Variants in AQR observed in about 807,000 individuals in gnomAD.
AQR encodes the protein RNA helicase aquarius.
A neutral mutation model predicts 180.5 loss-of-function variants in AQR; 61 were observed. The ratio of observed to expected loss-of-function variants is 0.34; its 90% confidence interval spans 0.28 to 0.42. The LOEUF (loss-of-function observed/expected upper bound fraction) is 0.42, where lower values mean the gene tolerates loss of function less well. AQR is among the 10% of genes least tolerant of loss of function. The pLI is 1.00. For synonymous variants in AQR, 551 were observed against 588.8 expected, an observed-to-expected ratio of 0.94 and a Z score of 0.93; for missense variants, 1,281 against 1,798.3, an observed-to-expected ratio of 0.71 and a Z score of 5.20.
intron 5 of AQR, among the ~76,000 whole-genome samples, chr15:34,946,986 G>A (rs1275503968): frequency 3.9e-5 from 6 of 152,192 alleles, no homozygotes; most frequent in Admixed American, 3.9e-4. Context: ...CCCTCTGCCC[G>A]GCCACCACCC....
intron 3 of AQR, among the ~76,000 whole-genome samples, chr15:34,957,800 C>A (rs865916359): frequency 6.7e-6 from 1 of 148,198 alleles, no homozygotes; most frequent in Non-Finnish European, 1.5e-5. Flanking sequence ...ACATAAAAAA[C>A]AAAAAAATTA....
At chr15:34,963,322 A>G (rs1159286706) in intron 2 of AQR, among the ~76,000 whole-genome samples, 1 of 152,122 alleles carries the variant, frequency 6.6e-6, no homozygotes, top group Admixed American at 6.5e-5. Flanking sequence ...AATTAACCCT[A>G]TATTTGGGAA....
intron 32 of AQR, among the ~76,000 whole-genome samples, chr15:34,867,175 T>G (rs971226401): frequency 1.3e-5 from 2 of 152,082 alleles, no homozygotes; most frequent in African/African-American, 2.4e-5. Flanking sequence ...GAAAACATAT[T>G]ATACAATGAA....
Position 34,897,666 on chromosome 15 carries a change from C to T in AQR, c.2283G>A (p.Arg761=), listed in dbSNP as rs777020440. 2.5e-6 allele frequency: 4 copies of T among 1,613,986 alleles called. No individual in the cohort carries two copies. Among genetic ancestry groups the T allele is most frequent in the South Asian group, 2.2e-5 (2 of 91,042 alleles). Reference sequence around the variant, plus strand: ...CTTCATCTTCCACATCCGCATCTTTCCTTTTCTTCCCTTTTCCACTTCTTA... The same window carrying T: ...CTTCATCTTCCACATCCGCATCTTTTCTTTTCTTCCCTTTTCCACTTCTTA... ...FPVRSGKGKK[R]KDADVEDEDT... The change falls in exon 21 of 35, where the codon AGG becomes AGA. Residue 761 remains arginine, a synonymous_variant. Transcript: ENST00000156471.
chr15:34,958,530 C>T lies in AQR; in HGVS notation c.173+2244G>A, dbSNP rs533783453. 1.8e-4 allele frequency among the ~76,000 whole-genome samples: 28 copies of T among 152,134 alleles called. No individual in the cohort carries two copies. In the South Asian group the frequency reaches 4.0e-3, roughly 21 times the overall value. On this transcript the variant is annotated intron_variant, in intron 3 of 34. Coordinates refer to ENST00000156471, the MANE Select transcript of AQR (RefSeq NM_014691.3). ...AACCCTGTCACACATTGTGCAATGG[C>T]GCAATCTCGGCTACACAGAAGAGAG... is the stretch of plus-strand genomic sequence containing the variant.
Position 34,965,289 on chromosome 15 carries a change from T to C in AQR, c.76-999A>G, listed in dbSNP as rs374974583. On this transcript the variant is annotated intron_variant, in intron 1 of 34. Transcript: ENST00000156471. Reference sequence around the variant, plus strand: ...CTTTTATAGCTCAGTGATGAACACATACAACACACTTAAAGAGCCTCCCAG... The same window carrying C: ...CTTTTATAGCTCAGTGATGAACACACACAACACACTTAAAGAGCCTCCCAG... 2.6e-5 allele frequency among the ~76,000 whole-genome samples: 4 copies of C among 152,014 alleles called. No homozygotes were observed. The East Asian group carries it at 5.8e-4, about 22-fold the overall frequency.
In AQR at chr15:34,900,875, A is replaced by G; in HGVS notation, c.2002-12T>C. 6.3e-7 allele frequency: 1 copy of G among 1,577,184 alleles called. No homozygotes were observed. The highest frequency in any genetic ancestry group is 2.3e-5 in the East Asian group (1 of 44,300). ...GTCTCCAGCACAGCCTGTCAGTAAA[A>G]GGACAGAAAAAGATTGTGTCAGTAT... On this transcript the variant is annotated splice_polypyrimidine_tract_variant and intron_variant, in intron 19 of 34. Coordinates refer to ENST00000156471, the MANE Select transcript of AQR (RefSeq NM_014691.3).
At chr15:34,874,964 C>A in intron 28 of AQR, 100 bp from the exon 29 acceptor site, 1 of 1,138,588 alleles carries the variant, frequency 8.8e-7, no homozygotes, top group South Asian at 1.6e-5. Flanking sequence ...GCTTCCTTAT[C>A]TTACAAATTA....
chr15:34,954,258 A>T (rs917414283), intron 3 of AQR, among the ~76,000 whole-genome samples: 13 of 152,224 alleles, frequency 8.5e-5, no homozygotes, highest in East Asian at 3.9e-4. Flanking sequence ...ATGTATAAAA[A>T]TGGTAGAGCA....
rs1894256696 is a variant in AQR at position 34,953,055 on chromosome 15, C to T, written c.174-135G>A. The T allele has an allele frequency of 6.0e-5, 32 of 533,780 alleles. No individual in the cohort carries two copies. The South Asian group carries it at 7.5e-4, about 13-fold the overall frequency. 33.1% of individuals were successfully genotyped at this position (533,780 alleles called of 1,614,324 possible). On this transcript the variant is annotated intron_variant, in intron 3 of 34. Transcript: ENST00000156471. ...CAAAATTCATAATATCAGATCACAA[C>T]TTCTAATGTCAGTTCAACTTCTTAA...
chr15:34,904,303 C>G (rs370774358), intron 19 of AQR, 33 bp downstream of exon 19: 3 of 1,473,250 alleles, frequency 2.0e-6, no homozygotes, highest in East Asian at 2.4e-5. Flanking sequence ...TAAATTATGA[C>G]ATAGTACTTT....
At chr15:34,892,763 G>GA (rs1160963140) in intron 23 of AQR, among the ~76,000 whole-genome samples, 1 of 152,100 alleles carries the variant, frequency 6.6e-6, no homozygotes, top group Non-Finnish European at 1.5e-5. Flanking sequence ...TTATACCTGG[G>GA]AAAAATCATC....
chr15:34,916,393 AAC>A (rs1193169873), intron 15 of AQR, among the ~76,000 whole-genome samples: 1 of 152,134 alleles, frequency 6.6e-6, no homozygotes, highest in Non-Finnish European at 1.5e-5. Context: ...AAAATCCCAG[AAC>A]ACATTTTACT....
chr15:34,907,673 T>G (rs1893438730), intron 17 of AQR, among the ~76,000 whole-genome samples: 1 of 152,208 alleles, frequency 6.6e-6, no homozygotes, highest in Non-Finnish European at 1.5e-5. Flanking sequence ...ACTTAATTAT[T>G]TCCCAATAAA....
intron 25 of AQR, among the ~76,000 whole-genome samples, chr15:34,885,645 A>T (rs1202357752): frequency 1.3e-5 from 2 of 152,162 alleles, no homozygotes; most frequent in Non-Finnish European, 2.9e-5. Flanking sequence ...TTTTCACTGA[A>T]AGCCAAGTAA....
chr15:34,884,518 T>C lies in AQR; in HGVS notation c.3027+7A>G. 1 of 1,569,394 alleles carries C rather than the reference T, an allele frequency of 6.4e-7. No individual in the cohort carries two copies. Among genetic ancestry groups the C allele is most frequent in the South Asian group, 1.2e-5 (1 of 83,562 alleles). ...AAGGGAAGTTCAAAGAACTTGAGAA[T>C]CCTTACCTCAAGCTGCGTAAAGATT... On this transcript the variant is annotated splice_region_variant and intron_variant, in intron 26 of 34. Coordinates refer to ENST00000156471, the MANE Select transcript of AQR (RefSeq NM_014691.3).
intron 19 of AQR, among the ~76,000 whole-genome samples, chr15:34,901,740 C>G (rs1370986435): frequency 1.3e-5 from 2 of 152,210 alleles, no homozygotes; most frequent in Admixed American, 6.5e-5. Flanking sequence ...ACCTGACATT[C>G]TCTTGTTCAG....
chr15:34,945,587 T>C (rs1453780816), intron 5 of AQR, among the ~76,000 whole-genome samples: 1 of 152,226 alleles, frequency 6.6e-6, no homozygotes, highest in Non-Finnish European at 1.5e-5. Flanking sequence ...TGTATTTCTA[T>C]AATAGCTTGA....
At chr15:34,885,177 T>C (rs879443421) in intron 25 of AQR, among the ~76,000 whole-genome samples, 2 of 152,038 alleles carry the variant, frequency 1.3e-5, no homozygotes, top group Non-Finnish European at 2.9e-5. Flanking sequence ...AATTTGGCAC[T>C]TGTCAACCCT....
Sources: gnomAD v4.1 joint callset for allele counts (sites outside exome capture counted in the v4.1 genomes callset) on GRCh38, gnomAD v4.1.1 for gene constraint, MANE v1.5 for transcripts, NCBI Gene and HGNC (gene_info 2026-07-23, HGNC 2026-07-21) for gene names.